The following TAOK3 variants were observed in gnomAD, a reference collection of about 807,000 sequenced individuals.
The protein encoded by TAOK3 is TAO kinase 3, also known as serine/threonine-protein kinase TAO3.
In TAOK3, 40 loss-of-function variants were observed where a neutral mutation model predicts 120.4. The ratio of observed to expected loss-of-function variants is 0.33; its 90% CI spans 0.26 to 0.43. The LOEUF is 0.43. TAOK3 is among the 20% of genes least tolerant of loss of function. The pLI is 1.00. For synonymous variants in TAOK3, 355 were observed against 387.5 expected, an observed-to-expected ratio of 0.92 and a Z score of 0.99; for missense variants, 821 against 1,112.1, an observed-to-expected ratio of 0.74 and a Z score of 3.72.
chr12:118,296,282 C>T (rs1019526073), intron 1 of TAOK3, among the ~76,000 whole-genome samples: 1 of 152,142 alleles, frequency 6.6e-6, no homozygotes, highest in African/African-American at 2.4e-5. Context: ...CAGGCATGCA[C>T]CACCACGCCC....
chr12:118,211,024 G>A (rs975047792), intron 11 of TAOK3, among the ~76,000 whole-genome samples: 5 of 152,046 alleles, frequency 3.3e-5, no homozygotes, highest in African/African-American at 7.2e-5. Flanking sequence ...GGCATGAGCC[G>A]CCACGCCCGG....
chr12:118,315,286 G>A (rs1376384603), intron 1 of TAOK3, among the ~76,000 whole-genome samples: 1 of 152,138 alleles, frequency 6.6e-6, no homozygotes, highest in Non-Finnish European at 1.5e-5. Context: ...TGGGGAAAAG[G>A]ATAACTGATA....
intron 9 of TAOK3, among the ~76,000 whole-genome samples, chr12:118,217,764 G>A (rs891738236): frequency 1.5e-4 from 19 of 127,076 alleles, no homozygotes; most frequent in African/African-American, 5.5e-4. Flanking sequence ...GTATATATAT[G>A]TATTTTATGT....
intron 1 of TAOK3, among the ~76,000 whole-genome samples, chr12:118,327,953 T>G (rs772998948): frequency 5.9e-5 from 9 of 152,210 alleles, no homozygotes; most frequent in Non-Finnish European, 1.0e-4. Context: ...GACACTAACT[T>G]CCACTTACTG....
chr12:118,282,703 A>G (rs1250153598), intron 1 of TAOK3, among the ~76,000 whole-genome samples: 1 of 152,196 alleles, frequency 6.6e-6, no homozygotes, highest in African/African-American at 2.4e-5. Flanking sequence ...TGATGCCATC[A>G]TCATTCGATT....
At chr12:118,226,097 C>T (rs1190438336) in intron 9 of TAOK3, among the ~76,000 whole-genome samples, 2 of 152,136 alleles carry the variant, frequency 1.3e-5, no homozygotes, top group African/African-American at 4.8e-5. Context: ...AAAATTAGGC[C>T]GGGTGCGGTG....
intron 12 of TAOK3, chr12:118,200,735 T>C (rs1459656900): frequency 6.6e-6 from 1 of 152,298 alleles, no homozygotes; most frequent in East Asian, 1.9e-4. Flanking sequence ...GACATACTCC[T>C]AGCCACCCAG....
chr12:118,214,128 C>G lies in TAOK3; in HGVS notation c.644-18G>C. 6.3e-7 allele frequency: 1 copy of G among 1,593,882 alleles called. No homozygotes were observed. The highest frequency in any genetic ancestry group is 1.1e-5 in the South Asian group (1 of 88,632). ...CCGTTCCGCTGGAAGAGGAAAGAAA[C>G]ACAATAAAGTAGTTCTTGAAGGAAA... On this transcript the variant is annotated intron_variant, in intron 9 of 20. Coordinates refer to ENST00000392533, the MANE Select transcript of TAOK3 (RefSeq NM_016281.4).
chr12:118,274,524 T>G (rs2041839368), intron 1 of TAOK3, among the ~76,000 whole-genome samples: 1 of 152,198 alleles, frequency 6.6e-6, no homozygotes, highest in African/African-American at 2.4e-5. Context: ...TCAATTATTT[T>G]GATTTCTTAT....
intron 1 of TAOK3, among the ~76,000 whole-genome samples, chr12:118,282,230 A>G (rs1199226498): frequency 1.3e-5 from 2 of 152,242 alleles, no homozygotes; most frequent in Admixed American, 1.3e-4. Context: ...CTTTTGGTAG[A>G]AATGCATAAA....
At chr12:118,259,505 A>G (rs1465770785) in intron 2 of TAOK3, among the ~76,000 whole-genome samples, 2 of 152,158 alleles carry the variant, frequency 1.3e-5, no homozygotes, top group African/African-American at 4.8e-5. Context: ...ATGCCACTGC[A>G]CTCCAGCCCA....
At chr12:118,309,165 CT>C (rs1216874221) in intron 1 of TAOK3, among the ~76,000 whole-genome samples, 2 of 151,594 alleles carry the variant, frequency 1.3e-5, no homozygotes, top group Non-Finnish European at 2.9e-5. Flanking sequence ...CCCATCTCTA[CT>C]ACAAATACAA....
At chr12:118,212,559 C>T (rs1411841196) in intron 11 of TAOK3, among the ~76,000 whole-genome samples, 1 of 152,184 alleles carries the variant, frequency 6.6e-6, no homozygotes. Context: ...AACCACCAGC[C>T]AGCTCTGTCC....
In TAOK3 at chr12:118,177,306, C is replaced by T. The variant is rs779103130; in HGVS notation, c.1590G>A (p.Glu530=). ...CCAAGATCTGTTGCTGGAACTTCTT[C>T]TCATCTGCTGCAGCTACCTTTGCCT... ...EKEAKVAAAD[E]KKFQQQILAQ... is the part of the protein sequence containing the mutation. The change falls in exon 16 of 21, where the codon GAG becomes GAA. Residue 530 remains glutamate (E), a synonymous_variant. Transcript: ENST00000392533. 57 of 1,613,774 alleles carry T rather than the reference C, an allele frequency of 3.5e-5. No individual in the cohort carries two copies. Among genetic ancestry groups the T allele is most frequent in the Non-Finnish European group, 4.8e-5 (57 of 1,179,974 alleles).
intron 1 of TAOK3, among the ~76,000 whole-genome samples, chr12:118,367,868 T>TA (rs1404305624): frequency 6.6e-6 from 1 of 152,088 alleles, no homozygotes; most frequent in Non-Finnish European, 1.5e-5. Context: ...CTCTAATTTT[T>TA]AAAAAAGTAC....
chr12:118,255,617 C>G lies in TAOK3; in HGVS notation c.-50G>C, dbSNP rs1052968146. On this transcript the variant is annotated 5_prime_UTR_variant, in exon 3 of 21. Transcript: ENST00000392533. ...TTTTTGATATCAGTTAGCTTTATTT[C>G]TCATTGACAATTTTTTTTGGGGGGT... is the stretch of plus-strand genomic sequence containing the variant. The G allele has an allele frequency of 9.1e-6, 14 of 1,537,186 alleles. No homozygotes were observed. The highest frequency in any genetic ancestry group is 1.1e-5 in the Non-Finnish European group (13 of 1,142,660).
At chr12:118,368,973 A>G (rs1403197136) in intron 1 of TAOK3, among the ~76,000 whole-genome samples, 1 of 146,798 alleles carries the variant, frequency 6.8e-6, no homozygotes, top group Non-Finnish European at 1.5e-5. Flanking sequence ...AGCCTGGGCA[A>G]TGTTGTGAAA....
At chr12:118,327,677 T>C (rs2043987904) in intron 1 of TAOK3, among the ~76,000 whole-genome samples, 1 of 152,198 alleles carries the variant, frequency 6.6e-6, no homozygotes, top group Non-Finnish European at 1.5e-5. Flanking sequence ...TAAAATATAA[T>C]GTTCATAAAT....
chr12:118,243,465 G>C lies in TAOK3; in HGVS notation c.244C>G (p.Pro82Ala). Reference protein sequence around the residue: ...EVKFLRQLKHPNTIEYKGCYL... With the variant: ...EVKFLRQLKHANTIEYKGCYL... ...CAGCCTTTGTACTCAATAGTATTAG[G>C]ATGCTTCAATTGTCGTAAAAATTTA... Residue 82 changes from proline to alanine, a missense_variant, in exon 5 of 21, where the codon CCT becomes GCT. Coordinates refer to ENST00000392533, the MANE Select transcript of TAOK3 (RefSeq NM_016281.4). 6.5e-7 allele frequency: 1 copy of C among 1,549,272 alleles called. No individual in the cohort carries two copies. Among genetic ancestry groups the C allele is most frequent in the Admixed American group, 2.2e-5 (1 of 44,588 alleles).
Sources: gnomAD v4.1 joint callset for allele counts (sites outside exome capture counted in the v4.1 genomes callset) on GRCh38, gnomAD v4.1.1 for gene constraint, MANE v1.5 for transcripts, NCBI Gene and HGNC (gene_info 2026-07-23, HGNC 2026-07-21) for gene names.